Variants in CADM2 observed in about 807,000 individuals in gnomAD.
The protein encoded by CADM2 is immunoglobulin superfamily member 4D.
Under a neutral mutation model 49.8 loss-of-function variants are expected in CADM2, and 12 were observed. The observed-to-expected ratio is 0.24, with a 90% CI of 0.15 to 0.39. The LOEUF (loss-of-function observed/expected upper bound fraction) is 0.39, where lower values mean the gene tolerates loss of function less well. Among genes scored for constraint, CADM2 ranks in the 10% least tolerant of loss-of-function variants. The pLI is 1.00. For missense variants in CADM2, 378 were observed against 492.3 expected (o/e 0.77, Z 2.20); for synonymous variants, 214 against 175.4 (o/e 1.22, Z -1.74).
chr3:85,779,621 C>A (rs576411786), intron 2 of CADM2, among the ~76,000 whole-genome samples: 1 of 152,250 alleles, frequency 6.6e-6, no homozygotes, highest in South Asian at 2.1e-4. Context: ...GGGTAACCAA[C>A]CCCATGATTA....
At chr3:86,003,159 G>A (rs1264763231) in intron 8 of CADM2, among the ~76,000 whole-genome samples, 1 of 152,090 alleles carries the variant, frequency 6.6e-6, no homozygotes, top group Non-Finnish European at 1.5e-5. Context: ...AGAGAAAATG[G>A]CAAATGAGTG....
intron 3 of CADM2, among the ~76,000 whole-genome samples, chr3:85,843,759 C>T (rs1429966618): frequency 6.6e-6 from 1 of 152,008 alleles, no homozygotes; most frequent in East Asian, 1.9e-4. Context: ...GTTAATGCTC[C>T]AGGTAAACAA....
chr3:85,260,454 A>T (rs1005163854), intron 1 of CADM2, among the ~76,000 whole-genome samples: 3 of 152,136 alleles, frequency 2.0e-5, no homozygotes, highest in African/African-American at 7.2e-5. Flanking sequence ...AAAAAAGTAG[A>T]CAGATCCTCA....
At chr3:86,041,843 C>T (rs1735983901) in intron 8 of CADM2, among the ~76,000 whole-genome samples, 1 of 152,188 alleles carries the variant, frequency 6.6e-6, no homozygotes. Flanking sequence ...AAACACTCCT[C>T]AGCAAATGTA....
intron 1 of CADM2, among the ~76,000 whole-genome samples, chr3:85,511,480 T>G (rs2040613915): frequency 1.3e-5 from 2 of 152,072 alleles, no homozygotes; most frequent in Non-Finnish European, 2.9e-5. Context: ...AATGATACTG[T>G]AGTAACACCA....
intron 1 of CADM2, among the ~76,000 whole-genome samples, chr3:85,312,951 T>C (rs2290338): frequency 0.84 from 127,217 of 152,150 alleles, 53,869 homozygotes; most frequent in African/African-American, 0.96. Flanking sequence ...TGAAATAGCT[T>C]CAACTGTGCA....
intron 7 of CADM2, among the ~76,000 whole-genome samples, chr3:85,939,466 AAAACACACAC>A (rs1350652097): frequency 2.3e-5 from 1 of 44,370 alleles, no homozygotes; most frequent in African/African-American, 1.0e-4. Flanking sequence ...AAAGTAAACG[AAAACACACAC>A]ACACACACAC....
chr3:85,190,104 T>C (rs1184371975), intron 1 of CADM2, among the ~76,000 whole-genome samples: 1 of 151,872 alleles, frequency 6.6e-6, no homozygotes, highest in Non-Finnish European at 1.5e-5. Context: ...AAATCTGTTA[T>C]TTTGACATAT....
At chr3:85,870,077 A>G (rs1463712477) in intron 3 of CADM2, among the ~76,000 whole-genome samples, 17 of 152,188 alleles carry the variant, frequency 1.1e-4, no homozygotes, top group Admixed American at 1.0e-3. Context: ...TTACTATAAC[A>G]TAAGATCTCC....
intron 3 of CADM2, among the ~76,000 whole-genome samples, chr3:85,825,359 A>C (rs991549230): frequency 1.4e-4 from 21 of 152,206 alleles, no homozygotes; most frequent in South Asian, 2.1e-4. Flanking sequence ...ATTACTTACT[A>C]TCCCTAAGGC....
At chr3:85,542,073 C>A (rs2061562364) in intron 1 of CADM2, among the ~76,000 whole-genome samples, 1 of 151,870 alleles carries the variant, frequency 6.6e-6, no homozygotes, top group East Asian at 1.9e-4. Context: ...TGCATTATGG[C>A]AGCTCATAAC....
chr3:84,965,665 C>T (rs949901421), intron 1 of CADM2, among the ~76,000 whole-genome samples: 37 of 152,152 alleles, frequency 2.4e-4, no homozygotes, highest in African/African-American at 8.4e-4. Context: ...CTATTTTTTA[C>T]GTGTGTTGGA....
At chr3:85,705,266 T>C (rs1037137849) in intron 1 of CADM2, among the ~76,000 whole-genome samples, 1 of 151,460 alleles carries the variant, frequency 6.6e-6, no homozygotes, top group Admixed American at 6.6e-5. Flanking sequence ...GGACGTTTTG[T>C]ATGTGATGAC....
chr3:84,976,326 T>C (rs1045171326), intron 1 of CADM2, among the ~76,000 whole-genome samples: 2 of 151,672 alleles, frequency 1.3e-5, no homozygotes, highest in African/African-American at 4.8e-5. Flanking sequence ...ATTTAAAATA[T>C]TTGATACTAT....
intron 1 of CADM2, among the ~76,000 whole-genome samples, chr3:85,200,678 GC>G (rs1356123297): frequency 1.3e-5 from 2 of 152,060 alleles, no homozygotes; most frequent in African/African-American, 4.8e-5. Context: ...TTCTAAACAG[GC>G]TAAGTGGTAT....
rs1259086943 is a variant in CADM2 at position 85,212,826 on chromosome 3, CTTT to C, written c.61+253159_61+253161del. 8.6e-4 allele frequency among the ~76,000 whole-genome samples: 77 copies of C among 89,348 alleles called. 19 individuals carry two copies. The highest frequency in any genetic ancestry group is 7.1e-3 in the South Asian group (19 of 2,694). The allele number at this position is 89,348 out of a possible 152,430, so 58.6% of individuals were successfully genotyped here. On this transcript the variant is annotated intron_variant, in intron 1 of 9. Coordinates refer to ENST00000383699, the MANE Select transcript of CADM2 (RefSeq NM_001167675.2). The stretch of plus-strand genomic sequence containing the variant: ...TTCTTTTTCTTCTCTTTCTTTCTTT[CTTT>C]CTTTCTTTCTTTCTTTCTTTCTTTC...
intron 6 of CADM2, among the ~76,000 whole-genome samples, chr3:85,925,997 C>A (rs191111005): frequency 1.3e-5 from 2 of 151,528 alleles, no homozygotes; most frequent in Non-Finnish European, 2.9e-5. Flanking sequence ...AATGACCGGG[C>A]GTGGTGGAAG....
chr3:85,803,312 T>A (rs1000305199), intron 3 of CADM2, among the ~76,000 whole-genome samples: 8 of 152,172 alleles, frequency 5.3e-5, no homozygotes, highest in Admixed American at 5.2e-4. Flanking sequence ...AAGTTCATAG[T>A]GTCTGCCTTT....
chr3:84,970,044 CTTTTTTTTTTTT>C (rs33980527), intron 1 of CADM2, among the ~76,000 whole-genome samples: 1 of 103,564 alleles, frequency 9.7e-6, no homozygotes, highest in Non-Finnish European at 1.9e-5. Context: ...GACTGACCTG[CTTTTTTTTTTTT>C]TTTTTTTTTT....
Sources: gnomAD v4.1 joint callset for allele counts (sites outside exome capture counted in the v4.1 genomes callset) on GRCh38, gnomAD v4.1.1 for gene constraint, MANE v1.5 for transcripts, NCBI Gene and HGNC (gene_info 2026-07-23, HGNC 2026-07-21) for gene names.